The following RELN variants were observed in gnomAD, a reference collection of about 807,000 sequenced individuals.
The protein encoded by RELN is reelin.
A neutral mutation model predicts 427.6 loss-of-function variants in RELN; 108 were observed. The observed-to-expected ratio is 0.25, with a 90% confidence interval of 0.22 to 0.30. The LOEUF (loss-of-function observed/expected upper bound fraction) is 0.30, where lower values mean the gene tolerates loss of function less well. Among genes scored for constraint, RELN ranks in the 10% least tolerant of loss-of-function variants. The pLI, the probability that RELN is intolerant of heterozygous loss-of-function variation, is 1.00. For missense variants in RELN, 3,715 were observed against 4,302.8 expected, an observed-to-expected ratio of 0.86 and a Z score of 3.82; for synonymous variants, 1,524 against 1,513.4, an observed-to-expected ratio of 1.01 and a Z score of -0.16.
chr7:103,690,393 G>A (rs1833849145), intron 10 of RELN, among the ~76,000 whole-genome samples: 1 of 152,072 alleles, frequency 6.6e-6, no homozygotes, highest in African/African-American at 2.4e-5. Flanking sequence ...CCACTACAGG[G>A]AGGAAGAATG....
intron 3 of RELN, among the ~76,000 whole-genome samples, chr7:103,790,317 A>G (rs967120688): frequency 2.0e-5 from 3 of 152,174 alleles, no homozygotes; most frequent in African/African-American, 7.2e-5. Context: ...CATGTATTCC[A>G]GAACTATAAT....
chr7:103,814,871 A>G (rs1792832016), intron 3 of RELN, among the ~76,000 whole-genome samples: 1 of 152,136 alleles, frequency 6.6e-6, no homozygotes, highest in African/African-American at 2.4e-5. Context: ...GGCCAAGAAA[A>G]CTTTGCTCTT....
At chr7:103,709,076 G>C (rs981903938) in intron 8 of RELN, among the ~76,000 whole-genome samples, 2 of 152,124 alleles carry the variant, frequency 1.3e-5, no homozygotes, top group African/African-American at 4.8e-5. Context: ...AAGCCCTTCC[G>C]AGACTCATCA....
intron 6 of RELN, among the ~76,000 whole-genome samples, chr7:103,742,731 C>A: frequency 6.6e-6 from 1 of 152,012 alleles, no homozygotes; most frequent in Non-Finnish European, 1.5e-5. Context: ...TAAAAAGAAA[C>A]GAACAAATCC....
intron 2 of RELN, among the ~76,000 whole-genome samples, chr7:103,874,859 T>C (rs1318246996): frequency 6.8e-6 from 1 of 148,046 alleles, no homozygotes; most frequent in African/African-American, 2.4e-5. Flanking sequence ...AAAAACTACT[T>C]TAAAGTTCAT....
chr7:103,547,937 T>C (rs1421328976), intron 41 of RELN, among the ~76,000 whole-genome samples: 1 of 152,202 alleles, frequency 6.6e-6, no homozygotes, highest in Non-Finnish European at 1.5e-5. Flanking sequence ...AAATCTTATT[T>C]TGAAAATTTC....
Position 103,723,126 on chromosome 7 carries a change from TA to T in RELN, c.805+13del. The stretch of plus-strand genomic sequence containing the variant: ...TTCCAAATTAAATCGTTATAACTGC[TA>T]AAAAACACTTACCAATGGAAAATTG... On this transcript the variant is annotated intron_variant, in intron 8 of 64. Coordinates refer to ENST00000428762, the MANE Select transcript of RELN (RefSeq NM_005045.4). 1 of 1,555,122 alleles carries T rather than the reference TA, an allele frequency of 6.4e-7. No individual in the cohort carries two copies. Among genetic ancestry groups the T allele is most frequent in the Non-Finnish European group, 8.9e-7 (1 of 1,126,850 alleles).
chr7:103,925,982 T>TA (rs1795723672), intron 1 of RELN, among the ~76,000 whole-genome samples: 1 of 152,122 alleles, frequency 6.6e-6, no homozygotes, highest in Admixed American at 6.6e-5. Context: ...ATGTTTTTTT[T>TA]ACGTTGTTTT....
intron 2 of RELN, among the ~76,000 whole-genome samples, chr7:103,911,102 C>T (rs1795354343): frequency 6.9e-6 from 1 of 145,104 alleles, no homozygotes; most frequent in Non-Finnish European, 1.5e-5. Flanking sequence ...ACAACCTACT[C>T]ATCTGACAAA....
chr7:103,706,642 CTTTT>C (rs111427985), intron 8 of RELN, among the ~76,000 whole-genome samples: 11 of 149,406 alleles, frequency 7.4e-5, no homozygotes, highest in African/African-American at 1.7e-4. Flanking sequence ...GTTTCTTTAT[CTTTT>C]TTTTTTCAAT....
chr7:103,917,224 T>C (rs780232357), intron 1 of RELN, 39 bp from the exon 2 acceptor site: 5 of 1,398,254 alleles, frequency 3.6e-6, no homozygotes, highest in Non-Finnish European at 5.1e-6. Flanking sequence ...CTCAATACAG[T>C]CAGAATAACA....
chr7:103,554,448 G>A (rs1830481074), intron 38 of RELN, among the ~76,000 whole-genome samples: 1 of 151,184 alleles, frequency 6.6e-6, no homozygotes, highest in Admixed American at 6.6e-5. Context: ...GTGCATGCCT[G>A]TAGTCCCAGC....
chr7:103,761,967 G>A (rs1380302795), intron 4 of RELN, among the ~76,000 whole-genome samples: 1 of 152,224 alleles, frequency 6.6e-6, no homozygotes, highest in African/African-American at 2.4e-5. Flanking sequence ...GGAAGAGGAA[G>A]AAGTGGAGGA....
chr7:103,887,316 C>T (rs2116579020), intron 2 of RELN, among the ~76,000 whole-genome samples: 1 of 152,272 alleles, frequency 6.6e-6, no homozygotes, highest in East Asian at 1.9e-4. Context: ...TGATGGGCCT[C>T]AGGAGGGTCT....
intron 3 of RELN, among the ~76,000 whole-genome samples, chr7:103,811,848 T>G (rs1792750850): frequency 6.6e-6 from 1 of 152,186 alleles, no homozygotes; most frequent in African/African-American, 2.4e-5. Context: ...CAGAAGTAAA[T>G]ACATGTCAGG....
chr7:103,834,625 C>A (rs971190803), intron 2 of RELN, among the ~76,000 whole-genome samples: 1 of 152,054 alleles, frequency 6.6e-6, no homozygotes, highest in African/African-American at 2.4e-5. Context: ...ACCTAATTAA[C>A]AAATGGCCAA....
At chr7:103,652,059 G>A (rs1832928254) in intron 14 of RELN, among the ~76,000 whole-genome samples, 1 of 151,944 alleles carries the variant, frequency 6.6e-6, no homozygotes, top group Admixed American at 6.6e-5. Flanking sequence ...TTGATAGGTG[G>A]CAAGGCAATT....
rs781534322 is a variant in RELN, at chr7:103,650,283, T to C, written c.1993A>G (p.Ile665Val). The change falls in exon 16 of 65, where the codon ATT becomes GTT. Residue 665 changes from isoleucine to valine, a missense_variant. Around this residue, in one of 4 missense-constraint regions of RELN, gnomAD observed 2,208 missense variants for 2,361.7 expected, o/e 0.93. Coordinates refer to ENST00000428762, the MANE Select transcript of RELN (RefSeq NM_005045.4). ...AGGCATAAACACTAACCATTATCAATTGCCCACATGTTTCCAAGGATTGGT... is the reference window on the plus strand; with the variant it reads ...AGGCATAAACACTAACCATTATCAACTGCCCACATGTTTCCAAGGATTGGT... ...TGPILGNMWA[I>V]DNVYIGPSCL... 5 of 1,595,460 alleles carry C rather than the reference T, an allele frequency of 3.1e-6. No homozygotes were observed. Among genetic ancestry groups the C allele is most frequent in the Middle Eastern group, 1.7e-4 (1 of 6,028 alleles).
At chr7:103,845,163 A>G (rs528727040) in intron 2 of RELN, among the ~76,000 whole-genome samples, 1 of 151,646 alleles carries the variant, frequency 6.6e-6, no homozygotes, top group African/African-American at 2.4e-5. Context: ...TTTTTTTGCT[A>G]AAATTAATGT....
Sources: allele counts gnomAD v4.1 joint callset (sites outside exome capture counted in the v4.1 genomes callset), GRCh38; gene constraint gnomAD v4.1.1; regional missense constraint gnomAD v4.1.1; transcripts MANE v1.5; gene names NCBI Gene and HGNC (gene_info 2026-07-23, HGNC 2026-07-21).